CEP83: variants seen among roughly 807,000 people sequenced by gnomAD.
CEP83 encodes the protein centrosomal protein 83, also known as centrosomal protein of 83 kDa.
In CEP83, 70 loss-of-function variants were observed where a neutral mutation model predicts 101.9. That is an observed-to-expected ratio of 0.69 (90% confidence interval 0.57 to 0.84). The LOEUF (loss-of-function observed/expected upper bound fraction) is 0.84, where lower values mean the gene tolerates loss of function less well. Among genes scored for constraint, CEP83 ranks in the 40% least tolerant of loss-of-function variants. The pLI, the probability that CEP83 is intolerant of heterozygous loss-of-function variation, is 0.00. For missense variants in CEP83, 715 were observed against 787.2 expected, an observed-to-expected ratio of 0.91 and a Z score of 1.10; for synonymous variants, 264 against 267.9, an observed-to-expected ratio of 0.99 and a Z score of 0.14.
chr12:94,359,277 T>C (rs1432492288), intron 11 of CEP83, among the ~76,000 whole-genome samples: 1 of 152,182 alleles, frequency 6.6e-6, no homozygotes, highest in African/African-American at 2.4e-5. Context: ...TGCCGCTGGG[T>C]TAGGGTCTCC....
intron 14 of CEP83, among the ~76,000 whole-genome samples, chr12:94,316,249 G>A (rs1970664361): frequency 6.6e-6 from 1 of 151,976 alleles, no homozygotes. Flanking sequence ...GTATTTTTAT[G>A]CTATTGTAAA....
At chr12:94,455,546 T>C (rs2138651787) in intron 1 of CEP83, among the ~76,000 whole-genome samples, 1 of 152,358 alleles carries the variant, frequency 6.6e-6, no homozygotes, top group South Asian at 2.1e-4. Flanking sequence ...GATACAGGAT[T>C]TTTGGTGAGA....
At chr12:94,413,502 G>A (rs141332140) in intron 2 of CEP83, among the ~76,000 whole-genome samples, 297 of 152,246 alleles carry the variant, frequency 2.0e-3, no homozygotes, top group Admixed American at 4.2e-3. Context: ...TCTTCAAAAG[G>A]TGACCTTCAG....
At chr12:94,336,818 C>T (rs779257382) in intron 11 of CEP83, among the ~76,000 whole-genome samples, 55 of 151,948 alleles carry the variant, frequency 3.6e-4, no homozygotes, top group Non-Finnish European at 6.5e-4. Context: ...ATGTTATCAA[C>T]TGGGTGCCTT....
At chr12:94,355,263 G>T (rs1565973665) in intron 11 of CEP83, among the ~76,000 whole-genome samples, 1 of 152,150 alleles carries the variant, frequency 6.6e-6, no homozygotes, top group Non-Finnish European at 1.5e-5. Flanking sequence ...GGAGGCCAAG[G>T]CGGGTGGATC....
At chr12:94,302,508 G>A (rs149844759), downstream of CEP83, among the ~76,000 whole-genome samples, 120 of 152,216 alleles carry the variant, frequency 7.9e-4, 1 homozygote, top group East Asian at 0.022. Flanking sequence ...GACTAATAAA[G>A]TTCATCTTAG....
chr12:94,417,872 T>C (rs577453024), intron 2 of CEP83, among the ~76,000 whole-genome samples: 4 of 151,652 alleles, frequency 2.6e-5, no homozygotes, highest in Non-Finnish European at 5.9e-5. Context: ...TCAAACTGAA[T>C]GAAAAAAGAT....
At chr12:94,304,858 C>A (rs1362554731), downstream of CEP83, among the ~76,000 whole-genome samples, 1 of 152,196 alleles carries the variant, frequency 6.6e-6, no homozygotes, top group Admixed American at 6.5e-5. Flanking sequence ...GAAATACTTG[C>A]CTGCATGTTG....
Position 94,351,940 on chromosome 12 carries a change from C to T in CEP83, c.1343+15854G>A, listed in dbSNP as rs555592054. Among the ~76,000 whole-genome samples the T allele has an allele frequency of 5.9e-5, 9 of 152,264 alleles. 1 individual carries two copies. Among genetic ancestry groups the T allele is most frequent in the Admixed American group, 3.3e-4 (5 of 15,298 alleles). Reference sequence around the variant, plus strand: ...GAGGTACTTGCAGACACTGCTGACACGAATTACAGCCAAAGATCATATGGA... The same window carrying T: ...GAGGTACTTGCAGACACTGCTGACATGAATTACAGCCAAAGATCATATGGA... On this transcript the variant is annotated intron_variant, in intron 11 of 16. Coordinates refer to ENST00000397809, the MANE Select transcript of CEP83 (RefSeq NM_016122.3).
At chr12:94,336,681 T>C (rs1388179761) in intron 11 of CEP83, among the ~76,000 whole-genome samples, 1 of 152,168 alleles carries the variant, frequency 6.6e-6, no homozygotes, top group Admixed American at 6.5e-5. Flanking sequence ...AAACGATAAA[T>C]CTAAAGAGGG....
intron 4 of CEP83, among the ~76,000 whole-genome samples, chr12:94,410,079 T>A (rs1320987585): frequency 6.6e-6 from 1 of 152,206 alleles, no homozygotes; most frequent in Admixed American, 6.5e-5. Flanking sequence ...GCTGAGGCTG[T>A]AGGTATGTTT....
chr12:94,423,785 G>A, intron 2 of CEP83: 1 of 1,613,714 alleles, frequency 6.2e-7, no homozygotes, highest in South Asian at 1.1e-5. Context: ...TGCTCTGAGG[G>A]TGTGTCCACT....
intron 1 of CEP83, among the ~76,000 whole-genome samples, chr12:94,440,526 G>T (rs570453975): frequency 8.6e-5 from 13 of 150,862 alleles, no homozygotes; most frequent in African/African-American, 2.9e-4. Context: ...AAAAAAAAAA[G>T]CTGAAAGAAA....
At chr12:94,436,818 C>A in intron 1 of CEP83, among the ~76,000 whole-genome samples, 1 of 137,382 alleles carries the variant, frequency 7.3e-6, no homozygotes. Flanking sequence ...CAGGGGGAGA[C>A]TCCATCTCAA....
chr12:94,381,434 T>C (rs117449928), intron 6 of CEP83, among the ~76,000 whole-genome samples: 6,915 of 152,296 alleles, frequency 0.045, 215 homozygotes, highest in Non-Finnish European at 0.072. Flanking sequence ...GACAATGTGT[T>C]AACTAATATT....
intron 1 of CEP83, among the ~76,000 whole-genome samples, chr12:94,441,031 C>G (rs973288843): frequency 6.6e-6 from 1 of 152,120 alleles, no homozygotes; most frequent in African/African-American, 2.4e-5. Flanking sequence ...AAAATCAACT[C>G]AAGATGGATT....
At chr12:94,433,373 G>C (rs2065780162) in intron 2 of CEP83, among the ~76,000 whole-genome samples, 1 of 152,104 alleles carries the variant, frequency 6.6e-6, no homozygotes, top group Admixed American at 6.6e-5. Flanking sequence ...GCAGCAGGTA[G>C]TCAATAATCT....
intron 8 of CEP83, among the ~76,000 whole-genome samples, chr12:94,371,767 A>AGC (rs2061319865): frequency 6.6e-6 from 1 of 152,210 alleles, no homozygotes; most frequent in African/African-American, 2.4e-5. Flanking sequence ...GAAGTGTCTT[A>AGC]TTGGAAGATA....
chr12:94,378,673 C>T, intron 7 of CEP83, 118 bp downstream of exon 7: 3 of 1,098,246 alleles, frequency 2.7e-6, no homozygotes, highest in South Asian at 1.6e-5. Context: ...CTTGGGATTA[C>T]ACAAATGCAT....
Sources: gnomAD v4.1 joint callset for allele counts (sites outside exome capture counted in the v4.1 genomes callset) on GRCh38, gnomAD v4.1.1 for gene constraint, MANE v1.5 for transcripts, NCBI Gene and HGNC (gene_info 2026-07-23, HGNC 2026-07-21) for gene names.